Variants in LUZP2 observed in about 807,000 individuals in gnomAD.
The protein encoded by LUZP2 is leucine zipper protein 2.
A neutral mutation model predicts 51.6 loss-of-function variants in LUZP2; 52 were observed. The observed-to-expected ratio is 1.01, with a 90% CI of 0.81 to 1.27. The LOEUF (loss-of-function observed/expected upper bound fraction) is 1.27, where lower values mean the gene tolerates loss of function less well. LUZP2 is among the 50% of genes most tolerant of loss of function. The pLI is 0.00. For synonymous variants in LUZP2, 154 were observed against 137.3 expected, an observed-to-expected ratio of 1.12 and a Z score of -0.85; for missense variants, 436 against 395.4, an observed-to-expected ratio of 1.10 and a Z score of -0.87.
chr11:24,514,848 G>A (rs918671607), intron 1 of LUZP2, among the ~76,000 whole-genome samples: 1 of 152,160 alleles, frequency 6.6e-6, no homozygotes, highest in African/African-American at 2.4e-5. Context: ...AAGCGGCCTG[G>A]CTCAAGGAAA....
intron 7 of LUZP2, among the ~76,000 whole-genome samples, chr11:24,922,837 CTTTTTTT>C (rs749672583): frequency 1.3e-4 from 6 of 47,320 alleles, no homozygotes; most frequent in Admixed American, 2.4e-4. Context: ...TTTTTTTTTT[CTTTTTTT>C]TTTTTTTTTT....
At chr11:24,564,681 G>A (rs1852159138) in intron 1 of LUZP2, among the ~76,000 whole-genome samples, 1 of 152,044 alleles carries the variant, frequency 6.6e-6, no homozygotes, top group Non-Finnish European at 1.5e-5. Context: ...GTGTTTGAGG[G>A]GAACAAGAGC....
chr11:24,728,469 T>C (rs1193116156), intron 1 of LUZP2, among the ~76,000 whole-genome samples: 1 of 151,968 alleles, frequency 6.6e-6, no homozygotes, highest in Non-Finnish European at 1.5e-5. Context: ...AATGGTAACT[T>C]TCTTAACAGT....
chr11:24,794,683 G>C (rs540586092), intron 5 of LUZP2, among the ~76,000 whole-genome samples: 73 of 152,126 alleles, frequency 4.8e-4, no homozygotes, highest in African/African-American at 1.7e-3. Flanking sequence ...GTGTTCTTTT[G>C]CTGATTGTGT....
At position 24,786,333 on chromosome 11, in the gene LUZP2, A is replaced by G. The variant is rs2403993; in HGVS notation, c.396+23025A>G. 23,748 of 981,338 alleles carry G rather than the reference A, an allele frequency of 0.024. 2,138 individuals are homozygous for G. In the African/African-American group the frequency reaches 0.27, roughly 11 times the overall value. The allele number at this position is 981,338 out of a possible 1,614,324, so 60.8% of individuals were successfully genotyped here. ...ATTTTACCACGGGAAAAAAGTAGTC[A>G]GAATTCATGGGCATATCTAATAAAT... On this transcript the variant is annotated intron_variant, in intron 5 of 11. Transcript: ENST00000336930.
chr11:24,549,602 C>T (rs1485001016), intron 1 of LUZP2, among the ~76,000 whole-genome samples: 1 of 151,994 alleles, frequency 6.6e-6, no homozygotes, highest in East Asian at 1.9e-4. Context: ...GGTGTATTTA[C>T]ACCAGCATCA....
At chr11:24,732,547 T>C (rs989023790) in intron 3 of LUZP2, among the ~76,000 whole-genome samples, 1 of 151,686 alleles carries the variant, frequency 6.6e-6, no homozygotes, top group South Asian at 2.1e-4. Context: ...ATGGACCATG[T>C]TTAATACAAT....
Position 25,080,528 on chromosome 11 carries a change from G to A in LUZP2, c.*1870G>A, listed in dbSNP as rs1427767144. 6.6e-6 allele frequency: 1 copy of A among 152,084 alleles called. No homozygotes were observed. Among genetic ancestry groups the A allele is most frequent in the East Asian group, 1.9e-4 (1 of 5,188 alleles). The allele number at this position is 152,084 out of a possible 1,614,324, so 9.4% of individuals were successfully genotyped here. On this transcript the variant is annotated 3_prime_UTR_variant, in exon 12 of 12. Coordinates refer to ENST00000336930, the MANE Select transcript of LUZP2 (RefSeq NM_001009909.4). ...TGGATGATCCATAGAGCTTTCAGAT[G>A]AAGTGACTAGGATAAAATAAAAGAT...
intron 1 of LUZP2, among the ~76,000 whole-genome samples, chr11:24,501,675 A>C (rs932348802): frequency 1.3e-5 from 2 of 152,188 alleles, no homozygotes; most frequent in Admixed American, 1.3e-4. Flanking sequence ...CCCTGTAGAC[A>C]TGTCTTTGAT....
intron 5 of LUZP2, chr11:24,785,849 C>G: frequency 1.0e-6 from 1 of 985,244 alleles, no homozygotes; most frequent in Non-Finnish European, 1.2e-6. Context: ...GCTATGCTGA[C>G]TCTGGGAAAT....
intron 9 of LUZP2, among the ~76,000 whole-genome samples, chr11:25,011,845 C>T (rs1303450632): frequency 6.6e-6 from 1 of 151,680 alleles, no homozygotes; most frequent in East Asian, 1.9e-4. Context: ...GGGAATATTT[C>T]AAGTTCTCTT....
At chr11:24,739,172 G>A (rs904642231) in intron 4 of LUZP2, among the ~76,000 whole-genome samples, 1 of 152,024 alleles carries the variant, frequency 6.6e-6, no homozygotes, top group South Asian at 2.1e-4. Flanking sequence ...AGGAAACTGT[G>A]GGTAAGAGGC....
At chr11:24,857,319 A>G (rs1851600872) in intron 5 of LUZP2, among the ~76,000 whole-genome samples, 1 of 116,242 alleles carries the variant, frequency 8.6e-6, no homozygotes, top group African/African-American at 3.8e-5. Flanking sequence ...ATATACACAC[A>G]CACACACACA....
chr11:24,604,559 A>G (rs928162116), intron 1 of LUZP2, among the ~76,000 whole-genome samples: 1 of 151,910 alleles, frequency 6.6e-6, no homozygotes, highest in Non-Finnish European at 1.5e-5. Context: ...AAGACACCAG[A>G]TAAAAAACGG....
At chr11:24,699,362 GT>G (rs376404962) in intron 1 of LUZP2, among the ~76,000 whole-genome samples, 2 of 151,840 alleles carry the variant, frequency 1.3e-5, no homozygotes, top group East Asian at 1.9e-4. Flanking sequence ...TCCCTGCATA[GT>G]TTTTTTCATA....
chr11:24,508,241 T>C (rs1187588643), intron 1 of LUZP2, among the ~76,000 whole-genome samples: 3 of 152,068 alleles, frequency 2.0e-5, no homozygotes, highest in Non-Finnish European at 2.9e-5. Context: ...GGATATAAAG[T>C]GAAGCTCTGG....
chr11:24,671,950 A>C (rs565447732), intron 1 of LUZP2, among the ~76,000 whole-genome samples: 3 of 152,240 alleles, frequency 2.0e-5, no homozygotes, highest in East Asian at 1.9e-4. Flanking sequence ...AGGAAAAAAA[A>C]CCACTCAATT....
intron 1 of LUZP2, among the ~76,000 whole-genome samples, chr11:24,681,055 C>T (rs1384504412): frequency 2.6e-5 from 4 of 151,820 alleles, no homozygotes; most frequent in Middle Eastern, 6.8e-3. Flanking sequence ...AATCTCGGCT[C>T]ACTGCAAGCT....
chr11:24,850,265 T>C (rs966773706), intron 5 of LUZP2, among the ~76,000 whole-genome samples: 5 of 152,196 alleles, frequency 3.3e-5, no homozygotes, highest in Non-Finnish European at 5.9e-5. Flanking sequence ...AGGTCTTATG[T>C]TTAAGTGTTT....
Sources: gnomAD v4.1 joint callset for allele counts (sites outside exome capture counted in the v4.1 genomes callset) on GRCh38, gnomAD v4.1.1 for gene constraint, MANE v1.5 for transcripts, NCBI Gene and HGNC (gene_info 2026-07-23, HGNC 2026-07-21) for gene names.